SRPX: variants seen among roughly 807,000 people sequenced by gnomAD.
The protein encoded by SRPX is sushi repeat-containing protein SRPX.
SRPX carries 24 observed loss-of-function variants against 38.1 expected under a neutral mutation model. The ratio of observed to expected loss-of-function variants is 0.63; its 90% CI spans 0.46 to 0.89. The LOEUF is 0.89. Among genes scored for constraint, SRPX ranks in the 40% least tolerant of loss-of-function variants. The pLI is 0.00. For synonymous variants in SRPX, 184 were observed against 153.8 expected (o/e 1.20, Z -1.45); for missense variants, 416 against 377.8 (o/e 1.10, Z -0.84).
intron 1 of SRPX, among the ~76,000 whole-genome samples, chrX:38,219,061 A>T (rs1270139640): frequency 2.7e-5 from 2 of 74,519 alleles, no homozygotes; most frequent in Non-Finnish European, 6.9e-5. Flanking sequence ...CAGGAAAGCC[A>T]GGGATAGGTC....
intron 1 of SRPX, among the ~76,000 whole-genome samples, chrX:38,208,885 A>G (rs1346486219): frequency 9.9e-6 from 1 of 100,554 alleles, no homozygotes; most frequent in Admixed American, 1.1e-4. Flanking sequence ...TAGGGTCCCA[A>G]GATGTTGCCC....
intron 1 of SRPX, among the ~76,000 whole-genome samples, chrX:38,209,497 A>T (rs1026787955): frequency 8.9e-6 from 1 of 111,959 alleles, no homozygotes; most frequent in East Asian, 2.8e-4. Flanking sequence ...GGAGGGAGTG[A>T]GCTGAGCTTT....
At chrX:38,166,880 A>G (rs189952367) in intron 4 of SRPX, among the ~76,000 whole-genome samples, 142 of 111,803 alleles carry the variant, frequency 1.3e-3, no homozygotes, top group African/African-American at 4.5e-3. Flanking sequence ...CTAACAGTGT[A>G]AGCACACAGG....
intron 1 of SRPX, among the ~76,000 whole-genome samples, chrX:38,189,338 C>G (rs1938851708): frequency 8.9e-6 from 1 of 112,080 alleles, no homozygotes; most frequent in Non-Finnish European, 1.9e-5. Context: ...TGGCAATAAA[C>G]AAATTACCAT....
chrX:38,173,324 G>A (rs1010312665), intron 3 of SRPX, among the ~76,000 whole-genome samples: 2 of 112,291 alleles, frequency 1.8e-5, no homozygotes, highest in African/African-American at 6.5e-5. Context: ...GAAGCTAAAA[G>A]CCAGCCCCTG....
intron 1 of SRPX, among the ~76,000 whole-genome samples, chrX:38,209,922 C>G (rs1039350912): frequency 8.9e-6 from 1 of 111,910 alleles, no homozygotes; most frequent in Non-Finnish European, 1.9e-5. Flanking sequence ...CCACTTCCAC[C>G]TCCCCAAGCC....
At position 38,161,062 on chromosome X, in the gene SRPX, A is replaced by G; in HGVS notation, c.654-8T>C. ...AGGCCTTTTAGAATGACACTTAGAG[A>G]AAAAAAATCAGAAACAGGAAAGATG... On this transcript the variant is annotated splice_polypyrimidine_tract_variant and splice_region_variant and intron_variant, in intron 5 of 9. Coordinates refer to ENST00000378533, the MANE Select transcript of SRPX (RefSeq NM_006307.5). The G allele has an allele frequency of 1.7e-6, 2 of 1,204,836 alleles. No homozygotes were observed. Among genetic ancestry groups the G allele is most frequent in the African/African-American group, 1.7e-5 (1 of 57,394 alleles).
rs375767003 is a variant in SRPX at position 38,188,555 on chromosome X, C to T, written c.98-10211G>A. On this transcript the variant is annotated intron_variant, in intron 1 of 9. Coordinates refer to ENST00000378533, the MANE Select transcript of SRPX (RefSeq NM_006307.5). Reference sequence around the variant, plus strand: ...ATAGGTGTATGTGTGGTAGGGTATCCCCAGTTTGCATAGCACAGTCCCATT... The same window carrying T: ...ATAGGTGTATGTGTGGTAGGGTATCTCCAGTTTGCATAGCACAGTCCCATT... Among the ~76,000 whole-genome samples the T allele has an allele frequency of 5.4e-5, 6 of 111,527 alleles. No homozygotes were observed. The East Asian group carries it at 1.4e-3, about 26-fold the overall frequency.
At chrX:38,214,278 T>C (rs889050796) in intron 1 of SRPX, among the ~76,000 whole-genome samples, 2 of 111,274 alleles carry the variant, frequency 1.8e-5, no homozygotes, top group South Asian at 7.7e-4. Flanking sequence ...ATCTCAGGCA[T>C]CCTCCCAGTC....
At chrX:38,200,848 T>C (rs1939098425) in intron 1 of SRPX, among the ~76,000 whole-genome samples, 1 of 112,140 alleles carries the variant, frequency 8.9e-6, no homozygotes, top group Non-Finnish European at 1.9e-5. Flanking sequence ...CAAACCACAG[T>C]AAACATACAG....
chrX:38,201,796 G>A (rs1939117436), intron 1 of SRPX, among the ~76,000 whole-genome samples: 1 of 106,438 alleles, frequency 9.4e-6, no homozygotes, highest in Non-Finnish European at 1.9e-5. Context: ...TCCAGCCTGG[G>A]TGACAGAGCG....
At position 38,149,867 on chromosome X, in the gene SRPX, G is replaced by A. The variant is rs201428319; in HGVS notation, c.1239C>T (p.Ser413=). Residue 413 remains serine (S), a synonymous_variant, in exon 10 of 10, where the codon TCC becomes TCT. Transcript: ENST00000378533. ...LRLLLRIPLY[S]FSMVLVDKHG... ...GCTTATCCACTAGCACCATACTGAA[G>A]GAGTAGAGTGGGATTCGCAGCAACA... 4 of 1,204,163 alleles carry A rather than the reference G, an allele frequency of 3.3e-6. No homozygotes were observed. In the East Asian group the frequency reaches 8.9e-5, roughly 27 times the overall value.
At chrX:38,211,129 T>G (rs1362276823) in intron 1 of SRPX, among the ~76,000 whole-genome samples, 1 of 112,637 alleles carries the variant, frequency 8.9e-6, no homozygotes, top group Non-Finnish European at 1.9e-5. Flanking sequence ...TCCAATAACA[T>G]CAAAATTTGA....
intron 8 of SRPX, 37 bp downstream of exon 8, chrX:38,156,859 G>C (rs775412656): frequency 9.2e-6 from 11 of 1,192,219 alleles, no homozygotes; most frequent in Admixed American, 6.9e-5. Context: ...CCTGTTAAAG[G>C]TCTCCCTCTC....
chrX:38,218,397 C>T (rs1390967717), intron 1 of SRPX, among the ~76,000 whole-genome samples: 1 of 112,568 alleles, frequency 8.9e-6, no homozygotes, highest in Non-Finnish European at 1.9e-5. Flanking sequence ...ATTTTCCATA[C>T]ACTTCATGTA....
chrX:38,164,612 CAA>C (rs1938328777), intron 5 of SRPX, among the ~76,000 whole-genome samples, 155 bp downstream of exon 5: 1 of 112,249 alleles, frequency 8.9e-6, no homozygotes, highest in Non-Finnish European at 1.9e-5. Flanking sequence ...AGGCAATCAA[CAA>C]ATACATAGGT....
At chrX:38,165,653 TC>T (rs1275806660) in intron 4 of SRPX, among the ~76,000 whole-genome samples, 1 of 112,204 alleles carries the variant, frequency 8.9e-6, no homozygotes, top group East Asian at 2.8e-4. Context: ...TGAATTACAA[TC>T]TAAGTCGGAG....
intron 1 of SRPX, among the ~76,000 whole-genome samples, chrX:38,217,758 T>C (rs771928874): frequency 4.5e-5 from 5 of 112,112 alleles, no homozygotes; most frequent in Admixed American, 9.4e-5. Context: ...GCACTTTGGT[T>C]ATGGTACGAG....
intron 8 of SRPX, among the ~76,000 whole-genome samples, chrX:38,156,073 ACT>A (rs1938127069): frequency 8.9e-6 from 1 of 112,230 alleles, no homozygotes; most frequent in Non-Finnish European, 1.9e-5. Context: ...AGTTCTATCC[ACT>A]GTAATAAATG....
Sources: allele counts gnomAD v4.1 joint callset (sites outside exome capture counted in the v4.1 genomes callset), GRCh38; gene constraint gnomAD v4.1.1; transcripts MANE v1.5; gene names NCBI Gene and HGNC (gene_info 2026-07-23, HGNC 2026-07-21).